The following IL1RAPL1 variants were observed in gnomAD, a reference collection of about 807,000 sequenced individuals.
IL1RAPL1 encodes interleukin-1 receptor accessory protein-like 1.
Under a neutral mutation model 48.4 loss-of-function variants are expected in IL1RAPL1, and 3 were observed. The ratio of observed to expected loss-of-function variants is 0.06; its 90% CI spans 0.03 to 0.16. The LOEUF is 0.16. Ranked by LOEUF, IL1RAPL1 falls within the 10% of genes least tolerant of loss-of-function variation. The pLI is 1.00. For synonymous variants in IL1RAPL1, 185 were observed against 187.7 expected, an observed-to-expected ratio of 0.99 and a Z score of 0.12; for missense variants, 349 against 530.6, an observed-to-expected ratio of 0.66 and a Z score of 3.36.
At chrX:29,586,370 A>G (rs756890661) in intron 5 of IL1RAPL1, among the ~76,000 whole-genome samples, 11 of 110,952 alleles carry the variant, frequency 9.9e-5, no homozygotes, top group African/African-American at 3.6e-4. Context: ...ACATGGATTT[A>G]TTTCTGGGTT....
intron 2 of IL1RAPL1, among the ~76,000 whole-genome samples, chrX:29,023,699 T>G (rs772060473): frequency 8.9e-6 from 1 of 112,434 alleles, no homozygotes; most frequent in East Asian, 2.8e-4. Context: ...CATCTATTAT[T>G]TGACTTGAAT....
At chrX:29,203,722 AAT>A (rs56950481) in intron 2 of IL1RAPL1, among the ~76,000 whole-genome samples, 2,391 of 78,200 alleles carry the variant, frequency 0.031, 69 homozygotes, top group East Asian at 0.086. Flanking sequence ...TCCGTCTCAA[AAT>A]ATATATATAT....
chrX:29,178,536 T>G (rs1455688516), intron 2 of IL1RAPL1, among the ~76,000 whole-genome samples: 1 of 111,818 alleles, frequency 8.9e-6, no homozygotes, highest in African/African-American at 3.3e-5. Flanking sequence ...TTTCTCCCAT[T>G]CTGTATGTTG....
intron 1 of IL1RAPL1, among the ~76,000 whole-genome samples, chrX:28,612,812 T>C (rs1455882491): frequency 8.9e-6 from 1 of 112,132 alleles, no homozygotes; most frequent in Non-Finnish European, 1.9e-5. Flanking sequence ...TGTGAAAATA[T>C]ATACTATATC....
chrX:28,867,370 C>T (rs1196737712), intron 2 of IL1RAPL1, among the ~76,000 whole-genome samples: 2 of 111,519 alleles, frequency 1.8e-5, no homozygotes, highest in Admixed American at 9.6e-5. Flanking sequence ...AGATAAGTAC[C>T]ACACTCTAGG....
chrX:29,936,713 A>G (rs1933039541), intron 8 of IL1RAPL1, among the ~76,000 whole-genome samples: 1 of 111,754 alleles, frequency 8.9e-6, no homozygotes, highest in African/African-American at 3.2e-5. Context: ...AGAAAAGAAC[A>G]TAGTTTCCCA....
intron 2 of IL1RAPL1, among the ~76,000 whole-genome samples, chrX:29,134,069 A>C (rs1929076132): frequency 8.9e-6 from 1 of 111,845 alleles, no homozygotes; most frequent in Admixed American, 9.6e-5. Flanking sequence ...GACTTACCAC[A>C]GTTTATTTAT....
intron 5 of IL1RAPL1, among the ~76,000 whole-genome samples, chrX:29,424,578 CAA>C (rs1234775974): frequency 9.0e-6 from 1 of 111,520 alleles, no homozygotes; most frequent in African/African-American, 3.3e-5. Flanking sequence ...ATCTATGAGG[CAA>C]AGAGTGGGAA....
At chrX:29,473,766 T>G (rs1268523208) in intron 5 of IL1RAPL1, among the ~76,000 whole-genome samples, 1 of 110,996 alleles carries the variant, frequency 9.0e-6, no homozygotes, top group Non-Finnish European at 1.9e-5. Flanking sequence ...TTATCTTGCT[T>G]CGTAATTGTA....
At chrX:28,697,726 A>G (rs1033331274) in intron 1 of IL1RAPL1, among the ~76,000 whole-genome samples, 1 of 111,655 alleles carries the variant, frequency 9.0e-6, no homozygotes, top group East Asian at 2.8e-4. Context: ...CATTCAACAA[A>G]TATTAAGTAC....
chrX:29,139,928 T>C (rs1290325141), intron 2 of IL1RAPL1, among the ~76,000 whole-genome samples: 4 of 111,506 alleles, frequency 3.6e-5, no homozygotes, highest in African/African-American at 1.3e-4. Flanking sequence ...AATTTTGTGT[T>C]GCTATAAAGG....
intron 6 of IL1RAPL1, among the ~76,000 whole-genome samples, chrX:29,754,935 A>G (rs1419159617): frequency 8.9e-6 from 1 of 112,692 alleles, no homozygotes; most frequent in Non-Finnish European, 1.9e-5. Flanking sequence ...ACAGTGTCTC[A>G]TAGATGGCAA....
intron 5 of IL1RAPL1, among the ~76,000 whole-genome samples, chrX:29,418,531 A>C (rs1934252499): frequency 8.9e-6 from 1 of 111,735 alleles, no homozygotes; most frequent in African/African-American, 3.3e-5. Context: ...ATGTAACCTG[A>C]AAACAGAATT....
At chrX:29,472,010 T>C (rs1284849518) in intron 5 of IL1RAPL1, among the ~76,000 whole-genome samples, 1 of 111,928 alleles carries the variant, frequency 8.9e-6, no homozygotes, top group Admixed American at 9.5e-5. Flanking sequence ...GCCAGTCATC[T>C]TGATAGAGTT....
chrX:29,096,092 C>T (rs1928207961), intron 2 of IL1RAPL1, among the ~76,000 whole-genome samples: 2 of 111,424 alleles, frequency 1.8e-5, no homozygotes, highest in African/African-American at 6.5e-5. Context: ...TTTTAGGACT[C>T]ACACGTAAAA....
At chrX:28,908,997 T>C (rs1385945870) in intron 2 of IL1RAPL1, among the ~76,000 whole-genome samples, 1 of 111,737 alleles carries the variant, frequency 8.9e-6, no homozygotes, top group Non-Finnish European at 1.9e-5. Context: ...GACATTGATA[T>C]GGCTATTCCA....
At chrX:28,876,437 C>A (rs757794409) in intron 2 of IL1RAPL1, among the ~76,000 whole-genome samples, 2 of 111,831 alleles carry the variant, frequency 1.8e-5, no homozygotes, top group South Asian at 7.5e-4. Context: ...AAAAAAGAAC[C>A]AGATTTAGAA....
At chrX:29,229,031 G>A (rs968397407) in intron 2 of IL1RAPL1, among the ~76,000 whole-genome samples, 1 of 111,702 alleles carries the variant, frequency 9.0e-6, no homozygotes, top group Admixed American at 9.5e-5. Context: ...GGTTTCTAAA[G>A]GCCCATCCAA....
intron 3 of IL1RAPL1, among the ~76,000 whole-genome samples, chrX:29,299,279 A>G (rs916298074): frequency 1.8e-5 from 2 of 111,267 alleles, no homozygotes; most frequent in Admixed American, 1.9e-4. Context: ...ATGTCCTATT[A>G]GTTCTGTCCC....
Sources: allele counts gnomAD v4.1 joint callset (sites outside exome capture counted in the v4.1 genomes callset), GRCh38; gene constraint gnomAD v4.1.1; transcripts MANE v1.5; gene names NCBI Gene and HGNC (gene_info 2026-07-23, HGNC 2026-07-21).